Variants in DNAH5 observed in about 807,000 individuals in gnomAD.
DNAH5 encodes axonemal beta dynein heavy chain 5.
In DNAH5, 372 loss-of-function variants were observed where a neutral mutation model predicts 518.2. That is an observed-to-expected ratio of 0.72 (90% CI 0.66 to 0.78). The LOEUF (loss-of-function observed/expected upper bound fraction) is 0.78. Ranked by LOEUF, DNAH5 falls within the 30% of genes least tolerant of loss-of-function variation. The pLI, the probability that DNAH5 is intolerant of heterozygous loss-of-function variation, is 0.00. For missense variants in DNAH5, 5,523 were observed against 5,687.0 expected, an observed-to-expected ratio of 0.97 and a Z score of 0.93; for synonymous variants, 2,039 against 2,025.9, an observed-to-expected ratio of 1.01 and a Z score of -0.17.
At chr5:13,862,453 T>C (rs1768585817) in intron 29 of DNAH5, 95 bp downstream of exon 29, 5 of 1,192,494 alleles carry the variant, frequency 4.2e-6, no homozygotes, top group Admixed American at 1.8e-5. Flanking sequence ...GAGTAAACTA[T>C]ATGAAGGCTA....
intron 22 of DNAH5, among the ~76,000 whole-genome samples, chr5:13,875,967 C>T (rs1770829141): frequency 6.6e-6 from 1 of 152,132 alleles, no homozygotes; most frequent in African/African-American, 2.4e-5. Flanking sequence ...AATGCACTTA[C>T]TGAGCAACAA....
intron 69 of DNAH5, among the ~76,000 whole-genome samples, chr5:13,728,303 T>C (rs1746029781): frequency 6.6e-6 from 1 of 152,156 alleles, no homozygotes; most frequent in South Asian, 2.1e-4. Context: ...TCAGAAACAC[T>C]GAACAAACAA....
upstream of DNAH5, among the ~76,000 whole-genome samples, chr5:13,947,221 G>A (rs1174706753): frequency 1.3e-5 from 2 of 152,144 alleles, no homozygotes; most frequent in Non-Finnish European, 2.9e-5. Context: ...CATATGTTCT[G>A]AATTGTTACC....
At chr5:13,738,546 C>T (rs1000093810) in intron 65 of DNAH5, among the ~76,000 whole-genome samples, 3 of 152,160 alleles carry the variant, frequency 2.0e-5, no homozygotes, top group African/African-American at 7.2e-5. Flanking sequence ...GCTTTGGAGA[C>T]AGCTGGGAGA....
intron 1 of DNAH5, among the ~76,000 whole-genome samples, chr5:13,962,413 T>A (rs924592018): frequency 2.0e-5 from 3 of 152,198 alleles, no homozygotes; most frequent in African/African-American, 7.2e-5. Context: ...TTTAGCATTA[T>A]AGTACACATC....
chr5:13,821,273 T>A (rs1192062032), intron 40 of DNAH5, among the ~76,000 whole-genome samples: 1 of 152,184 alleles, frequency 6.6e-6, no homozygotes, highest in Non-Finnish European at 1.5e-5. Context: ...TTTTAAATGT[T>A]TAATTTAAAA....
At chr5:13,985,776 A>C (rs901264637) in intron 1 of DNAH5, among the ~76,000 whole-genome samples, 3 of 152,152 alleles carry the variant, frequency 2.0e-5, no homozygotes, top group African/African-American at 7.2e-5. Context: ...AAGTAAGCCA[A>C]GCAAGGAACT....
chr5:13,735,089 C>G, intron 68 of DNAH5, 42 bp downstream of exon 68: 1 of 1,591,540 alleles, frequency 6.3e-7, no homozygotes, highest in Non-Finnish European at 8.6e-7. Context: ...AATAACTCCT[C>G]CATCTGCACC....
rs774115728 is a variant in DNAH5 at position 13,719,096 on chromosome 5, T to A, written c.12285A>T (p.Gly4095=). 42 of 1,613,460 alleles carry A rather than the reference T, an allele frequency of 2.6e-5. No homozygotes were observed. Among genetic ancestry groups the A allele is most frequent in the Non-Finnish European group, 3.4e-5 (40 of 1,179,564 alleles). ...GATGGCAGTTCTGCAGAAGTGCCCA[T>A]CCTCCCTGTCAATAGCAGTAAACGG... ...KLLQQTMANG[G]WALLQNCHLG... The change falls in exon 72 of 79, where the codon GGA becomes GGT. Residue 4095 remains glycine (G), a synonymous_variant. Transcript: ENST00000265104.
chr5:13,789,942 T>C lies in DNAH5; in HGVS notation c.8449-1028A>G, dbSNP rs117864742. On this transcript the variant is annotated intron_variant, in intron 50 of 78. Coordinates refer to ENST00000265104, the MANE Select transcript of DNAH5 (RefSeq NM_001369.3). Reference sequence around the variant, plus strand: ...GACATACATGTGGCCAAGAAACATATGAAAAGAAGCTCAACATCACTCATC... The same window carrying C: ...GACATACATGTGGCCAAGAAACATACGAAAAGAAGCTCAACATCACTCATC... 3.8e-3 allele frequency among the ~76,000 whole-genome samples: 576 copies of C among 152,212 alleles called. 22 individuals are homozygous for C. The East Asian group carries it at 0.095, about 25-fold the overall frequency.
intron 1 of DNAH5, among the ~76,000 whole-genome samples, chr5:14,008,872 C>G (rs1403677119): frequency 1.3e-5 from 2 of 152,176 alleles, no homozygotes; most frequent in Non-Finnish European, 2.9e-5. Flanking sequence ...GAGAGGTAAA[C>G]AGAAAAAGAA....
rs1304664006 is a variant in DNAH5, at chr5:13,753,566, A to T, written c.10556-17T>A. The T allele has an allele frequency of 1.2e-5, 20 of 1,600,220 alleles. No individual in the cohort carries two copies. Among genetic ancestry groups the T allele is most frequent in the Admixed American group, 1.7e-5 (1 of 59,570 alleles). ...GTACATCCCCTAAAATAGAAAACAA[A>T]CACCATTGAAATACTTTACGTTCAT... On this transcript the variant is annotated splice_polypyrimidine_tract_variant and intron_variant, in intron 62 of 78. Coordinates refer to ENST00000265104, the MANE Select transcript of DNAH5 (RefSeq NM_001369.3).
rs544810333 is a variant in DNAH5 at position 13,928,002 on chromosome 5, A to G, written c.277+92T>C. On this transcript the variant is annotated intron_variant, in intron 3 of 78. Transcript: ENST00000265104. ...CTCCCTCCCGCCCGCAAGGTGAAAC[A>G]GGTCCGTTCTCACAGTAGCTTTCTT... 10 of 1,090,368 alleles carry G rather than the reference A, an allele frequency of 9.2e-6. No individual in the cohort carries two copies. In the East Asian group the frequency reaches 1.7e-4, roughly 18 times the overall value. 67.5% of individuals were successfully genotyped at this position (1,090,368 alleles called of 1,614,324 possible). A position where few individuals can be genotyped will look rare whatever the true frequency, so the allele number is the denominator to read the frequency against.
chr5:13,998,043 C>G, intron 1 of DNAH5, among the ~76,000 whole-genome samples: 1 of 152,088 alleles, frequency 6.6e-6, no homozygotes, highest in South Asian at 2.1e-4. Context: ...GGGGTTTCAT[C>G]ATGTTGGCCA....
chr5:13,900,866 G>C (rs568028249), intron 14 of DNAH5: 23 of 322,458 alleles, frequency 7.1e-5, no homozygotes, highest in Non-Finnish European at 1.1e-4. Context: ...GATATGCTAT[G>C]ATTAACCAGT....
intron 1 of DNAH5, among the ~76,000 whole-genome samples, chr5:13,957,278 G>A (rs1015149097): frequency 6.6e-5 from 10 of 152,196 alleles, no homozygotes; most frequent in Non-Finnish European, 8.8e-5. Context: ...GTGGCTGAAA[G>A]TATAACTCAC....
intron 22 of DNAH5, among the ~76,000 whole-genome samples, chr5:13,873,117 AATAG>A (rs1276807600): frequency 1.3e-5 from 2 of 152,140 alleles, no homozygotes; most frequent in African/African-American, 2.4e-5. Context: ...TACAAATAAA[AATAG>A]ATAAATAAAT....
chr5:13,865,199 T>C (rs368381162), intron 27 of DNAH5, among the ~76,000 whole-genome samples: 8 of 152,164 alleles, frequency 5.3e-5, no homozygotes, highest in African/African-American at 1.4e-4. Context: ...TTCACCATGT[T>C]GGCCAGGATA....
chr5:13,819,204 A>G (rs1192821746), intron 41 of DNAH5, among the ~76,000 whole-genome samples: 1 of 152,212 alleles, frequency 6.6e-6, no homozygotes, highest in Non-Finnish European at 1.5e-5. Flanking sequence ...GAACACAATT[A>G]TTTAAGAAAC....
Sources: gnomAD v4.1 joint callset for allele counts (sites outside exome capture counted in the v4.1 genomes callset) on GRCh38, gnomAD v4.1.1 for gene constraint, MANE v1.5 for transcripts, NCBI Gene and HGNC (gene_info 2026-07-23, HGNC 2026-07-21) for gene names.